The following SCAP variants were observed in gnomAD, a reference collection of about 807,000 sequenced individuals.
The protein encoded by SCAP is SREBF chaperone.
Under a neutral mutation model 123.6 loss-of-function variants are expected in SCAP, and 65 were observed. The observed-to-expected ratio is 0.53, with a 90% CI of 0.43 to 0.65. SCAP has a LOEUF of 0.65. Among genes scored for constraint, SCAP ranks in the 30% least tolerant of loss-of-function variants. The pLI is 0.00. For missense variants in SCAP, 1,398 were observed against 1,712.5 expected, an observed-to-expected ratio of 0.82 and a Z score of 3.24; for synonymous variants, 740 against 726.3, an observed-to-expected ratio of 1.02 and a Z score of -0.30.
At chr3:47,456,219 A>G (rs1340633342) in intron 1 of SCAP, among the ~76,000 whole-genome samples, 1 of 152,114 alleles carries the variant, frequency 6.6e-6, no homozygotes, top group Non-Finnish European at 1.5e-5. Context: ...CCTGGGCAAC[A>G]TGGCAAAACC....
At chr3:47,457,389 C>T (rs1254649205) in intron 1 of SCAP, among the ~76,000 whole-genome samples, 1 of 152,314 alleles carries the variant, frequency 6.6e-6, no homozygotes. Flanking sequence ...CTTGCTCATT[C>T]TGACTCTCTC....
intron 2 of SCAP, among the ~76,000 whole-genome samples, chr3:47,435,463 TAAACATACAC>T (rs1706533666): frequency 1.3e-5 from 1 of 76,348 alleles, no homozygotes; most frequent in Non-Finnish European, 2.8e-5. Flanking sequence ...ATATATAATA[TAAACATACAC>T]ACACACACAC....
chr3:47,432,842 C>G (rs1706422427), intron 3 of SCAP, among the ~76,000 whole-genome samples: 1 of 152,224 alleles, frequency 6.6e-6, no homozygotes, highest in East Asian at 1.9e-4. Flanking sequence ...CCTATTGTCC[C>G]TTTGGAAACC....
intron 7 of SCAP, 123 bp downstream of exon 7, chr3:47,425,874 T>A (rs1457392374): frequency 8.7e-7 from 1 of 1,151,142 alleles, no homozygotes; most frequent in East Asian, 2.5e-5. Context: ...GCCCTAGCTC[T>A]GATGACCACC....
Position 47,439,955 on chromosome 3 carries a change from C to A in SCAP, c.122+2917G>T, listed in dbSNP as rs1706733545. On this transcript the variant is annotated intron_variant, in intron 2 of 22. Coordinates refer to ENST00000265565, the MANE Select transcript of SCAP (RefSeq NM_012235.4). The surrounding 1 kb of genome is among the most constrained non-coding windows in gnomAD (Gnocchi z 4.0). ...TGATGCATATACAGATGCCCTCTCT[C>A]ACTCCCTGGATTCTTCTGCCTGATG... Among the ~76,000 whole-genome samples the A allele has an allele frequency of 6.6e-6, 1 of 152,220 alleles. No homozygotes were observed. The highest frequency in any genetic ancestry group is 2.4e-5 in the African/African-American group (1 of 41,458).
rs924124857 is a variant in SCAP at position 47,439,387 on chromosome 3, C to A, written c.122+3485G>T. ...TTGTGCCATTGCACTCCAGCCTGGG[C>A]GACAGAGTGAGACCCCGTCTCAAAA... On this transcript the variant is annotated intron_variant, in intron 2 of 22. Coordinates refer to ENST00000265565, the MANE Select transcript of SCAP (RefSeq NM_012235.4). The surrounding 1 kb of genome is among the most constrained non-coding windows in gnomAD (Gnocchi z 4.0). 6.6e-6 allele frequency among the ~76,000 whole-genome samples: 1 copy of A among 152,146 alleles called. No individual in the cohort carries two copies. The highest frequency in any genetic ancestry group is 6.5e-5 in the Admixed American group (1 of 15,280).
At chr3:47,469,868 T>A (rs1707967141) in intron 1 of SCAP, 1 of 555,140 alleles carries the variant, frequency 1.8e-6, no homozygotes, top group African/African-American at 1.9e-5. Context: ...AAGAGAGCTC[T>A]CAGATTGGAA....
chr3:47,469,288 G>A (rs116353390), intron 1 of SCAP, among the ~76,000 whole-genome samples: 10,589 of 152,240 alleles, frequency 0.07, 523 homozygotes, highest in Non-Finnish European at 0.1. Context: ...CAAAGGTTGC[G>A]GTGAGCAGAG....
At chr3:47,437,445 A>AG (rs71098485) in intron 2 of SCAP, among the ~76,000 whole-genome samples, 4 of 144,500 alleles carry the variant, frequency 2.8e-5, no homozygotes, top group Non-Finnish European at 1.5e-5. Context: ...AAAAAAAAAA[A>AG]GGAGAATAAA....
Position 47,417,312 on chromosome 3 carries a change from G to T in SCAP, c.2962C>A (p.Arg988=), listed in dbSNP as rs148460850. 18 of 1,611,902 alleles carry T rather than the reference G, an allele frequency of 1.1e-5. No individual in the cohort carries two copies. The highest frequency in any genetic ancestry group is 1.5e-5 in the Non-Finnish European group (18 of 1,179,672). ...NLIVVGRSSG[R]LEVWDAIEGV... The stretch of plus-strand genomic sequence containing the variant: ...TTAGCCCCTCTGCCCACCTCCAGCC[G>T]GCCGCTGCTCCGCCCCACCACGATG... Residue 988 remains arginine, a synonymous_variant, in exon 17 of 23, where the codon CGG becomes AGG. Coordinates refer to ENST00000265565, the MANE Select transcript of SCAP (RefSeq NM_012235.4).
At chr3:47,463,937 T>C (rs1707736682) in intron 1 of SCAP, among the ~76,000 whole-genome samples, 1 of 152,048 alleles carries the variant, frequency 6.6e-6, no homozygotes, top group South Asian at 2.1e-4. Flanking sequence ...TCCCAAGTGA[T>C]CCTCCCATCT....
intron 18 of SCAP, among the ~76,000 whole-genome samples, 179 bp downstream of exon 18, chr3:47,416,943 T>C (rs1380087223): frequency 6.6e-6 from 1 of 152,092 alleles, no homozygotes; most frequent in African/African-American, 2.4e-5. Flanking sequence ...ACGCTTTTAA[T>C]TGTTACCTTC....
At chr3:47,435,666 G>A (rs528073578) in intron 2 of SCAP, among the ~76,000 whole-genome samples, 59 of 152,014 alleles carry the variant, frequency 3.9e-4, no homozygotes, top group South Asian at 1.2e-3. Context: ...GATTACAGGC[G>A]TAAGCAACCG....
rs554536201 is a variant in SCAP at position 47,451,768 on chromosome 3, A to T, written c.-98-8677T>A. ...ATCTCAGAGGTCAGAGTGGACACAGATTCTACTAATGCTGTGAGCTGGATA... is the reference window on the plus strand; with the variant it reads ...ATCTCAGAGGTCAGAGTGGACACAGTTTCTACTAATGCTGTGAGCTGGATA... On this transcript the variant is annotated intron_variant, in intron 1 of 22. Transcript: ENST00000265565. Among the ~76,000 whole-genome samples, 47 of 122,638 alleles carry T rather than the reference A, an allele frequency of 3.8e-4. 8 individuals are homozygous for T. The highest frequency in any genetic ancestry group is 1.2e-3 in the African/African-American group (44 of 35,766). The allele number at this position is 122,638 out of a possible 152,430, so 80.5% of individuals were successfully genotyped here.
intron 3 of SCAP, among the ~76,000 whole-genome samples, chr3:47,434,132 G>A (rs768531782): frequency 1.1e-4 from 16 of 152,164 alleles, no homozygotes; most frequent in Admixed American, 3.9e-4. Flanking sequence ...TATTTCAGCC[G>A]CAGAGTCAAG....
Position 47,414,105 on chromosome 3 carries a change from G to T in SCAP, c.3595-6C>A, listed in dbSNP as rs1245835545. 6.2e-7 allele frequency: 1 copy of T among 1,613,474 alleles called. No homozygotes were observed. The highest frequency in any genetic ancestry group is 8.5e-7 in the Non-Finnish European group (1 of 1,180,030). On this transcript the variant is annotated splice_region_variant and splice_polypyrimidine_tract_variant and intron_variant, in intron 22 of 22. Transcript: ENST00000265565. Reference sequence around the variant, plus strand: ...CTTGCACCACAGCCCAGGTCCTGGAGGCAAGGACATGACAAGCTCAGTCCT... The same window carrying T: ...CTTGCACCACAGCCCAGGTCCTGGATGCAAGGACATGACAAGCTCAGTCCT...
chr3:47,416,583 T>C (rs952069575), intron 18 of SCAP, among the ~76,000 whole-genome samples: 1 of 148,112 alleles, frequency 6.8e-6, no homozygotes, highest in Non-Finnish European at 1.5e-5. Context: ...CCATGTGCCA[T>C]GCCCTATTCC....
Position 47,426,104 on chromosome 3 carries a change from G to A in SCAP, c.803C>T (p.Ala268Val), listed in dbSNP as rs376770796. ...LHPSPNCSLR[A>V]ESLVHVHFKE... ...GAAGTGCACGTGGACCAGGCTCTCC[G>A]CCCGAAGGCTGCAGTTGGGGCTGGG... The change falls in exon 7 of 23, where the codon GCG becomes GTG. Residue 268 changes from alanine (A) to valine (V), a missense_variant. Physicochemically the swap from Ala to Val is moderately conservative, Grantham distance 64 (BLOSUM62 0). Transcript: ENST00000265565. The A allele has an allele frequency of 2.1e-5, 34 of 1,613,878 alleles. No individual in the cohort carries two copies. Among genetic ancestry groups the A allele is most frequent in the South Asian group, 6.6e-5 (6 of 91,088 alleles).
Position 47,417,653 on chromosome 3 carries a change from G to A in SCAP, c.2621C>T (p.Thr874Ile), listed in dbSNP as rs1439604197. The A allele has an allele frequency of 1.2e-6, 2 of 1,609,336 alleles. No homozygotes were observed. The highest frequency in any genetic ancestry group is 2.2e-5 in the East Asian group (1 of 44,574). Residue 874 changes from threonine to isoleucine, a missense_variant, in exon 17 of 23, where the codon ACC (threonine) becomes ATC (isoleucine). Thr to Ile is a moderately conservative substitution (Grantham distance 89). Coordinates refer to ENST00000265565, the MANE Select transcript of SCAP (RefSeq NM_012235.4). ...PSLFGDQPDLTCLIDTNFSAQ... is the reference protein window; with the variant it reads ...PSLFGDQPDLICLIDTNFSAQ... ...TGAAAAGTTGGTGTCAATTAAGCAG[G>A]TGAGGTCAGGCTGGTCCCCGAAGAG...
Sources: allele counts gnomAD v4.1 joint callset (sites outside exome capture counted in the v4.1 genomes callset), GRCh38; gene constraint gnomAD v4.1.1; non-coding constraint Gnocchi (gnomAD v3.1); transcripts MANE v1.5; gene names NCBI Gene and HGNC (gene_info 2026-07-23, HGNC 2026-07-21).